The following LIPN variants were observed in gnomAD, a reference collection of about 807,000 sequenced individuals.
The protein encoded by LIPN is lipase family member N, also known as lipase member N.
A neutral mutation model predicts 43.7 loss-of-function variants in LIPN; 32 were observed. The observed-to-expected ratio is 0.73, with a 90% CI of 0.55 to 0.98. The LOEUF is 0.98. Ranked by LOEUF, LIPN falls within the 50% of genes least tolerant of loss-of-function variation. LIPN has a pLI of 0.00. For missense variants in LIPN, 505 were observed against 483.8 expected, an observed-to-expected ratio of 1.04 and a Z score of -0.41; for synonymous variants, 156 against 157.6, an observed-to-expected ratio of 0.99 and a Z score of 0.08.
upstream of LIPN, among the ~76,000 whole-genome samples, chr10:88,758,186 C>A (rs1842949855): frequency 6.6e-6 from 1 of 151,754 alleles, no homozygotes; most frequent in African/African-American, 2.4e-5. Flanking sequence ...ACAGGTAGAT[C>A]CCAAAGTCAA....
intron 9 of LIPN, among the ~76,000 whole-genome samples, chr10:88,776,621 C>T (rs1843300075): frequency 6.6e-6 from 1 of 152,082 alleles, no homozygotes; most frequent in African/African-American, 2.4e-5. Flanking sequence ...ATTATCTCTG[C>T]TATATCTATA....
chr10:88,776,828 C>G (rs1843303584), intron 9 of LIPN, among the ~76,000 whole-genome samples: 1 of 151,978 alleles, frequency 6.6e-6, no homozygotes, highest in Non-Finnish European at 1.5e-5. Flanking sequence ...TTCTCTCCTT[C>G]CTTTCTCTAT....
In LIPN at chr10:88,770,904, C is replaced by T; in HGVS notation, c.732C>T (p.Thr244=). Residue 244 remains threonine (T), a synonymous_variant, in exon 7 of 10, where the codon ACC becomes ACT. Transcript: ENST00000404459. ...LEDKKTKIAS[T]KICNNKILWL... ...ATAAGAAAACGAAGATAGCTTCTAC[C>T]AAAATCTGCAACAATAAGATACTCT... 6.5e-7 allele frequency: 1 copy of T among 1,547,582 alleles called. No homozygotes were observed. The highest frequency in any genetic ancestry group is 8.7e-7 in the Non-Finnish European group (1 of 1,143,036).
rs570524802 is a variant in LIPN, at chr10:88,761,074, A to C, written c.-8-324A>C. Among the ~76,000 whole-genome samples, 3 of 152,232 alleles carry C rather than the reference A, an allele frequency of 2.0e-5. No individual in the cohort carries two copies. The South Asian group carries it at 6.2e-4, about 32-fold the overall frequency. On this transcript the variant is annotated intron_variant, in intron 1 of 9. Coordinates refer to ENST00000404459, the MANE Select transcript of LIPN (RefSeq NM_001102469.2). ...CATGGTATGAAAACCTGTCCTCTGAATCTTTAGATATTTTGTCAAATTGTA... is the reference window on the plus strand; with the variant it reads ...CATGGTATGAAAACCTGTCCTCTGACTCTTTAGATATTTTGTCAAATTGTA...
At chr10:88,759,627 A>T (rs1169214280), upstream of LIPN, among the ~76,000 whole-genome samples, 3 of 152,076 alleles carry the variant, frequency 2.0e-5, no homozygotes, top group African/African-American at 7.2e-5. Context: ...AGTCACGCAC[A>T]TCCCTACGCA....
chr10:88,772,230 T>C (rs542410281), intron 7 of LIPN, among the ~76,000 whole-genome samples: 1 of 152,036 alleles, frequency 6.6e-6, no homozygotes, highest in African/African-American at 2.4e-5. Context: ...TTGTTGATGG[T>C]CTCCTTTGCT....
At chr10:88,764,263 A>C (rs1421005039) in intron 3 of LIPN, 147 bp from the exon 4 acceptor site, 19 of 573,288 alleles carry the variant, frequency 3.3e-5, no homozygotes, top group Non-Finnish European at 4.9e-5. Context: ...ACAAGGGAAA[A>C]GTGAAAACAG....
At chr10:88,774,064 G>A (rs183597483) in intron 7 of LIPN, among the ~76,000 whole-genome samples, 6 of 152,112 alleles carry the variant, frequency 3.9e-5, no homozygotes, top group African/African-American at 1.4e-4. Flanking sequence ...AGTTCACAAA[G>A]CTGATCATTA....
In LIPN at chr10:88,778,201, A is replaced by T; in HGVS notation, c.1156A>T (p.Met386Leu). ...FVWGLDAPQR[M>L]YSEIIALMKA... ...CTGGGGCCTCGATGCCCCTCAACGG[A>T]TGTACAGTGAAATCATAGCTTTAAT... The change falls in exon 10 of 10, where the codon ATG (methionine) becomes TTG (leucine). Residue 386 changes from methionine to leucine, a missense_variant. Physicochemically the swap from Met to Leu is conservative, Grantham distance 15 (BLOSUM62 2). Transcript: ENST00000404459. 1.2e-6 allele frequency: 2 copies of T among 1,612,458 alleles called. No individual in the cohort carries two copies. The highest frequency in any genetic ancestry group is 1.7e-6 in the Non-Finnish European group (2 of 1,179,202).
chr10:88,768,041 CACACACACACACACACACACAT>C (rs1458157576), intron 5 of LIPN, among the ~76,000 whole-genome samples: 8 of 150,202 alleles, frequency 5.3e-5, no homozygotes, highest in Non-Finnish European at 7.4e-5. Flanking sequence ...CACACACACA[CACACACACACACACACACACAT>C]GCCAGTGGAG....
Position 88,770,934 on chromosome 10 carries a change from GATATGT to G in LIPN, c.764_769del (p.Ile255_Cys256del), listed in dbSNP as rs758775394. ...TCTGCAACAATAAGATACTCTGGTTGATATGTAGCGAATTTATGTCCTTATGGGCTG... is the reference window on the plus strand; with the variant it reads ...TCTGCAACAATAAGATACTCTGGTTGAGCGAATTTATGTCCTTATGGGCTG... On this transcript the variant is annotated inframe_deletion, in exon 7 of 10. Transcript: ENST00000404459. 1 of 1,561,888 alleles carries G rather than the reference GATATGT, an allele frequency of 6.4e-7. No individual in the cohort carries two copies. The highest frequency in any genetic ancestry group is 2.4e-5 in the East Asian group (1 of 42,480).
intron 3 of LIPN, 23 bp from the exon 4 acceptor site, chr10:88,764,387 C>T (rs1261369994): frequency 6.3e-7 from 1 of 1,586,696 alleles, no homozygotes; most frequent in South Asian, 1.1e-5. Context: ...CTCCCTCTCT[C>T]ATCTTACCCT....
At chr10:88,767,644 C>CAAAAAAAAAAAAAAA (rs61646268) in intron 5 of LIPN, among the ~76,000 whole-genome samples, 2 of 61,516 alleles carry the variant, frequency 3.3e-5, no homozygotes, top group Non-Finnish European at 6.0e-5. Flanking sequence ...ACTTGATCTG[C>CAAAAAAAAAAAAAAA]AAAAAAAAAA....
chr10:88,764,166 A>G (rs1233810612), intron 3 of LIPN, among the ~76,000 whole-genome samples: 1 of 152,046 alleles, frequency 6.6e-6, no homozygotes, highest in Non-Finnish European at 1.5e-5. Flanking sequence ...GTAAGCTAAT[A>G]CATATAAATA....
At chr10:88,774,776 T>C (rs759348455) in intron 8 of LIPN, among the ~76,000 whole-genome samples, 2 of 151,914 alleles carry the variant, frequency 1.3e-5, no homozygotes, top group Non-Finnish European at 2.9e-5. Flanking sequence ...GTTTTAAAAA[T>C]AGGCCCTGAA....
Position 88,779,173 on chromosome 10 carries a change from T to G in LIPN, c.*931T>G, listed in dbSNP as rs1843345813. Among the ~76,000 whole-genome samples, 1 of 152,226 alleles carries G rather than the reference T, an allele frequency of 6.6e-6. No individual in the cohort carries two copies. The highest frequency in any genetic ancestry group is 1.5e-5 in the Non-Finnish European group (1 of 68,032). On this transcript the variant is annotated 3_prime_UTR_variant, in exon 10 of 10. Transcript: ENST00000404459. ...TGCCGCATTTTTGTAACCACCACTT[T>G]GGCTGCTACATAGAGAATGGATTAG...
chr10:88,766,287 A>T lies in LIPN; in HGVS notation c.444A>T (p.Lys148Asn). The T allele has an allele frequency of 6.2e-7, 1 of 1,600,712 alleles. No homozygotes were observed. The highest frequency in any genetic ancestry group is 2.2e-5 in the East Asian group (1 of 44,710). The change falls in exon 5 of 10, where the codon AAA becomes AAT. Residue 148 changes from lysine (K) to asparagine (N), a missense_variant. Transcript: ENST00000404459. ...FWAFSFDEMA[K>N]YDLPGVIDFI... is the part of the protein sequence containing the mutation. ...TTTGCAGTTTTGATGAAATGGCCAA[A>T]TATGATCTCCCAGGAGTAATAGACT... is the stretch of plus-strand genomic sequence containing the variant.
At chr10:88,772,722 T>C (rs1843230486) in intron 7 of LIPN, among the ~76,000 whole-genome samples, 1 of 151,640 alleles carries the variant, frequency 6.6e-6, no homozygotes, top group African/African-American at 2.4e-5. Context: ...TCTCAGAATC[T>C]TATATTTAGA....
rs1398852670 is a variant in LIPN, at chr10:88,779,433, A to G, written c.*1191A>G. ...GTATTGATGGGGAATAATGGTCACT[A>G]TGAAAACCATGTGATAATATGGAAA... On this transcript the variant is annotated 3_prime_UTR_variant, in exon 10 of 10. Coordinates refer to ENST00000404459, the MANE Select transcript of LIPN (RefSeq NM_001102469.2). Among the ~76,000 whole-genome samples, 1 of 152,186 alleles carries G rather than the reference A, an allele frequency of 6.6e-6. No individual in the cohort carries two copies. The highest frequency in any genetic ancestry group is 2.4e-5 in the African/African-American group (1 of 41,460).
Sources: gnomAD v4.1 joint callset for allele counts (sites outside exome capture counted in the v4.1 genomes callset) on GRCh38, gnomAD v4.1.1 for gene constraint, MANE v1.5 for transcripts, NCBI Gene and HGNC (gene_info 2026-07-23, HGNC 2026-07-21) for gene names.